The following SEC16B variants were observed in gnomAD, a reference collection of about 807,000 sequenced individuals.
SEC16B encodes the protein SEC16 homolog B, endoplasmic reticulum export factor.
A neutral mutation model predicts 141.8 loss-of-function variants in SEC16B; 115 were observed. The observed-to-expected ratio is 0.81, with a 90% confidence interval of 0.70 to 0.95. SEC16B has a LOEUF of 0.95. Among genes scored for constraint, SEC16B ranks in the 40% least tolerant of loss-of-function variants. SEC16B has a pLI of 0.00. For synonymous variants in SEC16B, 493 were observed against 492.5 expected (o/e 1.00, Z -0.01); for missense variants, 1,291 against 1,312.3 (o/e 0.98, Z 0.25).
Position 177,939,846 on chromosome 1 carries a change from A to G in SEC16B, c.2128-69T>C, listed in dbSNP as rs961483544. On this transcript the variant is annotated intron_variant, in intron 17 of 25. Transcript: ENST00000308284. ...AAAACAAGAACAGAGAAACAAAGTG[A>G]TTCAAAACTTAAGCCAAAAAGAAAC... 3.9e-5 allele frequency: 50 copies of G among 1,272,294 alleles called. No individual in the cohort carries two copies. In the Admixed American group the frequency reaches 1.1e-3, roughly 28 times the overall value. The allele number at this position is 1,272,294 out of a possible 1,614,324, so 78.8% of individuals were successfully genotyped here. A position where few individuals can be genotyped will look rare whatever the true frequency, so the allele number is the denominator to read the frequency against.
rs1035503700 is a variant in SEC16B, at chr1:177,960,391, C to T, written c.949G>A (p.Asp317Asn). 14 of 1,598,884 alleles carry T rather than the reference C, an allele frequency of 8.8e-6. No individual in the cohort carries two copies. The African/African-American group carries it at 1.9e-4, about 21-fold the overall frequency. The change falls in exon 8 of 26, where the codon GAT (aspartate) becomes AAT (asparagine). Residue 317 changes from aspartate to asparagine, a missense_variant. By Grantham distance (23) the Asp-to-Asn change is conservative. Around this residue, in one of 3 missense-constraint regions of SEC16B, gnomAD observed 681 missense variants for 675.5 expected, o/e 1.01. Transcript: ENST00000308284. The part of the protein sequence containing the change: ...ELHSMEVILN[D>N]SEEQEEMRSF... The stretch of plus-strand genomic sequence containing the variant: ...CTCATCTCCTCTTGCTCTTCGGAAT[C>T]ATTAAGAATAACCTGGAATAAAACA...
intron 12 of SEC16B, among the ~76,000 whole-genome samples, chr1:177,949,837 T>C (rs1238217640): frequency 6.6e-6 from 1 of 152,058 alleles, no homozygotes; most frequent in Non-Finnish European, 1.5e-5. Context: ...TTTTAGTAGA[T>C]GCTAAAGTGC....
At chr1:177,940,512 G>T (rs567804163) in intron 17 of SEC16B, 98 bp downstream of exon 17, 2 of 794,912 alleles carry the variant, frequency 2.5e-6, no homozygotes, top group Admixed American at 2.0e-5. Context: ...GGGGACCAGG[G>T]ACTTGCTAAT....
chr1:177,950,102 T>C (rs1255921146), intron 12 of SEC16B, among the ~76,000 whole-genome samples: 1 of 151,596 alleles, frequency 6.6e-6, no homozygotes, highest in Non-Finnish European at 1.5e-5. Flanking sequence ...TGATGGGGCA[T>C]GAAAATCATT....
chr1:177,981,053 G>C (rs901306071), intron 1 of SEC16B, among the ~76,000 whole-genome samples: 1 of 152,060 alleles, frequency 6.6e-6, no homozygotes, highest in Admixed American at 6.6e-5. Context: ...GTGGAGTGTA[G>C]AAATGGCAGG....
intron 4 of SEC16B, 125 bp downstream of exon 4, chr1:177,964,922 G>C: frequency 8.6e-7 from 1 of 1,156,420 alleles, no homozygotes; most frequent in Non-Finnish European, 1.2e-6. Flanking sequence ...CCATATCCCT[G>C]TGGCTACAAC....
At position 177,929,885 on chromosome 1, in the gene SEC16B, C is replaced by T. The variant is rs781520598; in HGVS notation, c.3156G>A (p.Gln1052=). The change falls in exon 26 of 26, where the codon CAG becomes CAA. Residue 1052 remains glutamine, a synonymous_variant. Coordinates refer to ENST00000308284, the MANE Select transcript of SEC16B (RefSeq NM_033127.4). ...AGCATGGCTGGGTGGGATAGCGACG[C>T]TGAGCTAGGCGATTTGGCCGATTCA... ...TSLNRPNRLA[Q]RRYPTQPC is the part of the protein sequence containing the mutation. The T allele has an allele frequency of 6.2e-7, 1 of 1,613,814 alleles. No homozygotes were observed. Among genetic ancestry groups the T allele is most frequent in the Admixed American group, 1.7e-5 (1 of 59,998 alleles).
intron 1 of SEC16B, among the ~76,000 whole-genome samples, chr1:177,982,373 G>A (rs1282404727): frequency 6.6e-6 from 1 of 152,228 alleles, no homozygotes; most frequent in Non-Finnish European, 1.5e-5. Context: ...AGTTCCAGAG[G>A]AGGCTTATGG....
chr1:177,972,912 G>A (rs1263945398), upstream of SEC16B, among the ~76,000 whole-genome samples: 2 of 152,144 alleles, frequency 1.3e-5, no homozygotes, highest in Non-Finnish European at 2.9e-5. Flanking sequence ...GCTCTCTGGT[G>A]TGTAAGAATA....
At chr1:177,964,093 G>A (rs1653305907) in intron 5 of SEC16B, 78 bp downstream of exon 5, 1 of 1,011,056 alleles carries the variant, frequency 9.9e-7, no homozygotes, top group East Asian at 2.7e-5. Flanking sequence ...ATCCCCAAGG[G>A]CCCTGTTCTG....
chr1:177,969,329 C>G (rs905900236), intron 1 of SEC16B, among the ~76,000 whole-genome samples: 1 of 152,230 alleles, frequency 6.6e-6, no homozygotes, highest in Non-Finnish European at 1.5e-5. Flanking sequence ...GAACAAGGTG[C>G]GGAGGGGGCC....
At chr1:177,949,383 AACACACAC>A (rs61635250) in intron 12 of SEC16B, among the ~76,000 whole-genome samples, 2,379 of 136,802 alleles carry the variant, frequency 0.017, 50 homozygotes, top group African/African-American at 0.04. Context: ...TCCCTTGCTA[AACACACAC>A]ACACACACAC....
At chr1:177,964,974 C>G (rs561932588) in intron 4 of SEC16B, 73 bp downstream of exon 4, 12 of 1,551,024 alleles carry the variant, frequency 7.7e-6, no homozygotes, top group Non-Finnish European at 1.8e-6. Context: ...CAGCATCAGA[C>G]GCCAGAAGAT....
chr1:177,937,261 G>C lies in SEC16B; in HGVS notation c.2456C>G (p.Thr819Ser), dbSNP rs1187167228. ...CATTTCCTCCCAGACTGTTCCTCCA[G>C]TGGCCTCTGTCACTGCCACGCTGCT... Reference protein sequence around the residue: ...TGSSVAVTEATGGTVWEEMLQ... With the variant: ...TGSSVAVTEASGGTVWEEMLQ... Residue 819 changes from threonine (T) to serine (S), a missense_variant, in exon 19 of 26, where the codon ACT (threonine) becomes AGT (serine). Thr to Ser is a moderately conservative substitution (Grantham distance 58). This residue lies in a region of SEC16B where 605 missense variants were observed against 614.1 expected (regional missense o/e 0.99). Coordinates refer to ENST00000308284, the MANE Select transcript of SEC16B (RefSeq NM_033127.4). 6.2e-7 allele frequency: 1 copy of C among 1,613,848 alleles called. No individual in the cohort carries two copies. The highest frequency in any genetic ancestry group is 1.1e-5 in the South Asian group (1 of 91,068).
At chr1:177,944,397 G>T (rs983301727) in intron 15 of SEC16B, among the ~76,000 whole-genome samples, 164 bp downstream of exon 15, 1 of 152,062 alleles carries the variant, frequency 6.6e-6, no homozygotes, top group Non-Finnish European at 1.5e-5. Flanking sequence ...AGACCTTTAG[G>T]GGACATAAAA....
chr1:177,958,807 C>T (rs1652830073), intron 9 of SEC16B, 33 bp downstream of exon 9: 1 of 1,591,994 alleles, frequency 6.3e-7, no homozygotes, highest in East Asian at 2.2e-5. Flanking sequence ...AAATTTCAGC[C>T]TGCACCTGCT....
intron 1 of SEC16B, among the ~76,000 whole-genome samples, chr1:177,969,481 G>A (rs915094532): frequency 6.6e-6 from 1 of 152,146 alleles, no homozygotes; most frequent in African/African-American, 2.4e-5. Flanking sequence ...CACAGGGAAG[G>A]GCACATGAGC....
In SEC16B at chr1:177,944,552, C is replaced by G; in HGVS notation, c.1881+9G>C. On this transcript the variant is annotated intron_variant, in intron 15 of 25. Coordinates refer to ENST00000308284, the MANE Select transcript of SEC16B (RefSeq NM_033127.4). ...AGTGACGGTGGTGGCCTCATCTGGG[C>G]TCAGTTACCTGGAAAGAAGGGATGA... The G allele has an allele frequency of 6.2e-7, 1 of 1,610,646 alleles. No individual in the cohort carries two copies. Among genetic ancestry groups the G allele is most frequent in the Non-Finnish European group, 8.5e-7 (1 of 1,177,582 alleles).
At chr1:177,973,955 C>T (rs1026985416), upstream of SEC16B, among the ~76,000 whole-genome samples, 6 of 151,682 alleles carry the variant, frequency 4.0e-5, no homozygotes, top group South Asian at 4.2e-4. Flanking sequence ...AATGCCTGAA[C>T]GAGAGCAGCT....
Sources: allele counts gnomAD v4.1 joint callset (sites outside exome capture counted in the v4.1 genomes callset), GRCh38; gene constraint gnomAD v4.1.1; regional missense constraint gnomAD v4.1.1; transcripts MANE v1.5; gene names NCBI Gene and HGNC (gene_info 2026-07-23, HGNC 2026-07-21).